Variants in CD2AP observed in about 807,000 individuals in gnomAD.
CD2AP encodes CD2-associated protein.
A neutral mutation model predicts 85.1 loss-of-function variants in CD2AP; 46 were observed. The observed-to-expected ratio is 0.54, with a 90% confidence interval of 0.43 to 0.69. The LOEUF (loss-of-function observed/expected upper bound fraction) is 0.69, where lower values mean the gene tolerates loss of function less well. Among genes scored for constraint, CD2AP ranks in the 30% least tolerant of loss-of-function variants. CD2AP has a pLI of 0.00. For synonymous variants in CD2AP, 255 were observed against 252.9 expected (o/e 1.01, Z -0.08); for missense variants, 769 against 729.5 (o/e 1.05, Z -0.62).
chr6:47,595,756 A>C (rs888136123), intron 11 of CD2AP, 105 bp from the exon 12 acceptor site: 1 of 834,320 alleles, frequency 1.2e-6, no homozygotes, highest in South Asian at 1.5e-5. Context: ...ATGAAAGTTC[A>C]TGTCTGCCTC....
chr6:47,517,151 C>T (rs1024884768), intron 2 of CD2AP, among the ~76,000 whole-genome samples: 4 of 152,272 alleles, frequency 2.6e-5, no homozygotes, highest in Admixed American at 2.6e-4. Flanking sequence ...TCTCTTGTTC[C>T]TGCTCTCACT....
intron 1 of CD2AP, among the ~76,000 whole-genome samples, chr6:47,500,829 C>A (rs964151971): frequency 6.6e-6 from 1 of 152,000 alleles, no homozygotes; most frequent in African/African-American, 2.4e-5. Flanking sequence ...TCACTGCAAC[C>A]TCCGCCTCCC....
At chr6:47,597,664 T>C (rs1768988335) in intron 12 of CD2AP, among the ~76,000 whole-genome samples, 3 of 150,670 alleles carry the variant, frequency 2.0e-5, no homozygotes, top group Admixed American at 2.0e-4. Context: ...AAACTAAAAC[T>C]GAAATGGAAG....
chr6:47,537,896 C>T (rs1212520595), intron 3 of CD2AP, among the ~76,000 whole-genome samples: 3 of 151,672 alleles, frequency 2.0e-5, no homozygotes, highest in East Asian at 2.0e-4. Context: ...ATTACAGGAA[C>T]ACGCCACTGC....
intron 2 of CD2AP, among the ~76,000 whole-genome samples, chr6:47,519,097 A>G (rs1766521961): frequency 6.6e-6 from 1 of 152,012 alleles, no homozygotes; most frequent in African/African-American, 2.4e-5. Context: ...AGATAACTTC[A>G]CTCTTTTTTA....
Position 47,609,269 on chromosome 6 carries a change from G to A in CD2AP, c.1779G>A (p.Leu593=), listed in dbSNP as rs138780275. 3.1e-6 allele frequency: 5 copies of A among 1,613,496 alleles called. No homozygotes were observed. Among genetic ancestry groups the A allele is most frequent in the African/African-American group, 1.3e-5 (1 of 74,866 alleles). The change falls in exon 16 of 18, where the codon TTG becomes TTA. Residue 593 remains leucine (L), a synonymous_variant. Coordinates refer to ENST00000359314, the MANE Select transcript of CD2AP (RefSeq NM_012120.3). ...LDELRAQIIE[L]LCIVEALKKD... is the part of the protein sequence containing the mutation. Reference sequence around the variant, plus strand: ...AACTTAGAGCCCAGATTATTGAATTGTTGTGCATTGTAGAAGCACTGAAAA... The same window carrying A: ...AACTTAGAGCCCAGATTATTGAATTATTGTGCATTGTAGAAGCACTGAAAA...
chr6:47,528,762 C>G lies in CD2AP; in HGVS notation c.166-4840C>G, dbSNP rs184005389. 1.1e-3 allele frequency among the ~76,000 whole-genome samples: 163 copies of G among 152,272 alleles called. No homozygotes were observed. The South Asian group carries it at 0.012, about 11-fold the overall frequency. ...TCTTGATGGCAGAGGCAAAGGATGT[C>G]TCACCTATCTTTTTTTGTGCCGGAA... On this transcript the variant is annotated intron_variant, in intron 2 of 17. Transcript: ENST00000359314.
chr6:47,552,934 CT>C (rs1231311877), intron 4 of CD2AP, among the ~76,000 whole-genome samples: 1 of 151,870 alleles, frequency 6.6e-6, no homozygotes, highest in African/African-American at 2.4e-5. Flanking sequence ...TATAGTTTTA[CT>C]TTTATTCAGC....
chr6:47,497,346 C>A (rs1765887502), intron 1 of CD2AP, among the ~76,000 whole-genome samples: 1 of 132,988 alleles, frequency 7.5e-6, no homozygotes, highest in Non-Finnish European at 1.6e-5. Flanking sequence ...CCTTCCCTTC[C>A]CTCCCCTTCC....
intron 16 of CD2AP, among the ~76,000 whole-genome samples, chr6:47,610,949 T>TTTTATATATATATATATATA (rs1554183764): frequency 1.8e-5 from 2 of 114,242 alleles, no homozygotes; most frequent in African/African-American, 3.7e-5. Context: ...TATTTCTGAT[T>TTTTATATATATATATATATA]TATATATATA....
At chr6:47,515,934 AAT>A in intron 2 of CD2AP, among the ~76,000 whole-genome samples, 1 of 152,178 alleles carries the variant, frequency 6.6e-6, no homozygotes, top group Non-Finnish European at 1.5e-5. Flanking sequence ...TGGAATGCAA[AAT>A]ATGTGGGAAA....
chr6:47,481,409 G>A (rs1375491114), intron 1 of CD2AP, among the ~76,000 whole-genome samples: 1 of 152,048 alleles, frequency 6.6e-6, no homozygotes, highest in Admixed American at 6.6e-5. Context: ...GCTGTGGTGC[G>A]ATCTCGGCTC....
At position 47,609,181 on chromosome 6, in the gene CD2AP, T is replaced by G; in HGVS notation, c.1691T>G (p.Leu564Arg). 2 of 1,613,524 alleles carry G rather than the reference T, an allele frequency of 1.2e-6. No individual in the cohort carries two copies. The highest frequency in any genetic ancestry group is 8.5e-7 in the Non-Finnish European group (1 of 1,179,624). Residue 564 changes from leucine to arginine, a missense_variant, in exon 16 of 18, where the codon CTG (leucine) becomes CGG (arginine). Physicochemically the swap from Leu to Arg is moderately radical, Grantham distance 102 (BLOSUM62 -2). Transcript: ENST00000359314. ...SASKANTTAF[L>R]TPLEIKAKVE... Reference sequence around the variant, plus strand: ...TCTAAAGCAAATACAACTGCTTTCCTGACTCCATTAGAAATCAAAGCTAAA... The same window carrying G: ...TCTAAAGCAAATACAACTGCTTTCCGGACTCCATTAGAAATCAAAGCTAAA...
intron 1 of CD2AP, among the ~76,000 whole-genome samples, chr6:47,492,826 T>C (rs1562001608): frequency 1.3e-5 from 2 of 152,184 alleles, no homozygotes; most frequent in Admixed American, 1.3e-4. Context: ...TTTTTTCCAT[T>C]TTTCTGTTTT....
intron 1 of CD2AP, among the ~76,000 whole-genome samples, chr6:47,480,096 T>G (rs1193964453): frequency 6.6e-6 from 1 of 152,174 alleles, no homozygotes; most frequent in Admixed American, 6.5e-5. Flanking sequence ...TGAGTTTTCA[T>G]ATAGACTTGG....
intron 13 of CD2AP, among the ~76,000 whole-genome samples, chr6:47,601,910 A>C (rs892089604): frequency 6.6e-6 from 1 of 151,910 alleles, no homozygotes; most frequent in African/African-American, 2.4e-5. Flanking sequence ...GCTGATAGTA[A>C]GTTTCTTAAT....
chr6:47,586,426 T>A (rs1768632612), intron 11 of CD2AP, among the ~76,000 whole-genome samples: 1 of 152,152 alleles, frequency 6.6e-6, no homozygotes, highest in Non-Finnish European at 1.5e-5. Context: ...GTGGTTTTAC[T>A]TACCTGTAAT....
chr6:47,516,533 G>T (rs1428957595), intron 2 of CD2AP, among the ~76,000 whole-genome samples: 1 of 152,170 alleles, frequency 6.6e-6, no homozygotes, highest in African/African-American at 2.4e-5. Flanking sequence ...GTGTTGACTG[G>T]TACTCATGAA....
At chr6:47,509,967 A>C (rs1268812082) in intron 2 of CD2AP, among the ~76,000 whole-genome samples, 3 of 152,230 alleles carry the variant, frequency 2.0e-5, no homozygotes, top group Non-Finnish European at 4.4e-5. Context: ...TATTTCTACT[A>C]TTAGGAATGA....
Sources: allele counts gnomAD v4.1 joint callset (sites outside exome capture counted in the v4.1 genomes callset), GRCh38; gene constraint gnomAD v4.1.1; transcripts MANE v1.5; gene names NCBI Gene and HGNC (gene_info 2026-07-23, HGNC 2026-07-21).